The following PFKFB3 variants were observed in gnomAD, a reference collection of about 807,000 sequenced individuals.
The protein encoded by PFKFB3 is 6-phosphofructo-2-kinase/fructose-2,6-biphosphatase 3.
Under a neutral mutation model 68.0 loss-of-function variants are expected in PFKFB3, and 33 were observed. The observed-to-expected ratio is 0.49, with a 90% CI of 0.37 to 0.65. The LOEUF is 0.65. Ranked by LOEUF, PFKFB3 falls within the 30% of genes least tolerant of loss-of-function variation. The pLI, the probability that PFKFB3 is intolerant of heterozygous loss-of-function variation, is 0.00. For missense variants in PFKFB3, 586 were observed against 712.2 expected (o/e 0.82, Z 2.02); for synonymous variants, 315 against 288.2 (o/e 1.09, Z -0.94).
the PFKFB3 span, among the ~76,000 whole-genome samples, chr10:6,262,181 G>A: frequency 2.1e-4 from 32 of 152,062 alleles, no homozygotes; most frequent in South Asian, 6.2e-4. Flanking sequence ...TTGGCCGGGC[G>A]TGGTGGCTCA....
chr10:6,188,828 AT>A (rs35338599), intron 1 of PFKFB3, among the ~76,000 whole-genome samples: 1,197 of 113,006 alleles, frequency 0.011, 7 homozygotes, highest in African/African-American at 0.026. Context: ...CTTCCTTTTA[AT>A]TTTTTTTTTT....
At chr10:6,276,273 G>A in the PFKFB3 span, among the ~76,000 whole-genome samples, 1 of 152,106 alleles carries the variant, frequency 6.6e-6, no homozygotes, top group Admixed American at 6.6e-5. Flanking sequence ...GGCCTAGAAT[G>A]GGAGGGGTTG....
intron 1 of PFKFB3, among the ~76,000 whole-genome samples, chr10:6,170,992 C>T (rs1196284742): frequency 6.6e-6 from 1 of 152,120 alleles, no homozygotes; most frequent in Non-Finnish European, 1.5e-5. Flanking sequence ...TTACTCCGTG[C>T]AGGAAGGAAA....
intron 1 of PFKFB3, among the ~76,000 whole-genome samples, chr10:6,161,569 T>A (rs955813005): frequency 1.2e-5 from 1 of 84,582 alleles, no homozygotes; most frequent in Non-Finnish European, 3.7e-5. Context: ...CACATATGTA[T>A]ATATATACAC....
intron 1 of PFKFB3, among the ~76,000 whole-genome samples, chr10:6,211,828 A>C (rs1417736452): frequency 6.6e-6 from 1 of 152,222 alleles, no homozygotes; most frequent in Admixed American, 6.5e-5. Context: ...CCTGCTGAGA[A>C]GGCCACTAAT....
In PFKFB3 at chr10:6,215,101, C is replaced by T. The variant is rs1173235651; in HGVS notation, c.203-120C>T. The T allele has an allele frequency of 3.9e-6, 3 of 765,054 alleles. No individual in the cohort carries two copies. In the South Asian group the frequency reaches 4.7e-5, roughly 12 times the overall value. 47.4% of individuals were successfully genotyped at this position (765,054 alleles called of 1,614,324 possible). On this transcript the variant is annotated intron_variant, in intron 2 of 14. Transcript: ENST00000379775. This position sits in a 1 kb window ranked among gnomAD's most constrained non-coding sequence, Gnocchi z 4.3. ...GGCGCCGGCATTGCTTCCACACCAT[C>T]TCATTCAAGTCGGTGTGGTTGGCCT... is the stretch of plus-strand genomic sequence containing the variant.
chr10:6,283,289 A>G, the PFKFB3 span, among the ~76,000 whole-genome samples: 1 of 152,306 alleles, frequency 6.6e-6, no homozygotes, highest in Middle Eastern at 3.4e-3. Flanking sequence ...TTTAATCAGG[A>G]CAATTCTGTG....
At chr10:6,222,392 GT>G (rs1171770255) in intron 10 of PFKFB3, among the ~76,000 whole-genome samples, 1 of 152,230 alleles carries the variant, frequency 6.6e-6, no homozygotes, top group Non-Finnish European at 1.5e-5. Flanking sequence ...TCACGTTAAA[GT>G]TATGATTTAG....
At chr10:6,226,552 G>A (rs1845373595) in intron 14 of PFKFB3, 187 bp downstream of exon 14, 2 of 580,254 alleles carry the variant, frequency 3.4e-6, no homozygotes, top group Admixed American at 3.5e-5. Context: ...CGTGTTGAGG[G>A]AGAACATAGG....
At chr10:6,167,179 A>G (rs1354599810) in intron 1 of PFKFB3, among the ~76,000 whole-genome samples, 3 of 152,304 alleles carry the variant, frequency 2.0e-5, no homozygotes, top group Admixed American at 2.0e-4. Flanking sequence ...GTGCCTAGAC[A>G]AGGCCAGCAT....
intron 1 of PFKFB3, among the ~76,000 whole-genome samples, chr10:6,179,559 T>C (rs1026730853): frequency 1.3e-5 from 2 of 152,120 alleles, no homozygotes; most frequent in Non-Finnish European, 2.9e-5. Flanking sequence ...GTTTCTCTCC[T>C]ATGGTGGGAT....
At chr10:6,206,762 C>T (rs1843756963) in intron 1 of PFKFB3, among the ~76,000 whole-genome samples, 1 of 137,378 alleles carries the variant, frequency 7.3e-6, no homozygotes, top group African/African-American at 2.9e-5. Context: ...ACTTTCCAGA[C>T]TGGGCAGCCA....
At chr10:6,171,340 C>T (rs1042673536) in intron 1 of PFKFB3, among the ~76,000 whole-genome samples, 3 of 152,152 alleles carry the variant, frequency 2.0e-5, no homozygotes, top group Non-Finnish European at 4.4e-5. Context: ...CAGACGTAAG[C>T]CACCGGGCCC....
chr10:6,146,301 G>A (rs570277024), intron 1 of PFKFB3: 603 of 1,505,498 alleles, frequency 4.0e-4, no homozygotes, highest in Non-Finnish European at 5.1e-4. Flanking sequence ...TTCAAACAGA[G>A]GGTGCCTAGG....
the PFKFB3 span, chr10:6,293,874 C>T: frequency 4.9e-6 from 2 of 411,704 alleles, no homozygotes; most frequent in Non-Finnish European, 9.8e-6. Context: ...GAGAGTTATC[C>T]TTGACTTGCT....
At chr10:6,232,537 C>T (rs1023622506) in intron 14 of PFKFB3, among the ~76,000 whole-genome samples, 2 of 152,198 alleles carry the variant, frequency 1.3e-5, no homozygotes, top group African/African-American at 4.8e-5. Flanking sequence ...CATCCTCTGC[C>T]TGGCTGTGGT....
chr10:6,293,227 T>C, the PFKFB3 span: 1 of 466,426 alleles, frequency 2.1e-6, no homozygotes, highest in South Asian at 1.7e-5. Flanking sequence ...ACAGTATGTC[T>C]GCAATTTGAG....
intron 1 of PFKFB3, among the ~76,000 whole-genome samples, chr10:6,193,254 A>G (rs1255646395): frequency 6.6e-6 from 1 of 152,150 alleles, no homozygotes; most frequent in African/African-American, 2.4e-5. Flanking sequence ...GGGAGGCTGA[A>G]GTGGGAGGAC....
intron 1 of PFKFB3, among the ~76,000 whole-genome samples, chr10:6,190,284 G>T (rs1842987203): frequency 1.3e-5 from 2 of 152,226 alleles, no homozygotes; most frequent in Non-Finnish European, 2.9e-5. Context: ...CCCACTCGGT[G>T]ATTCTTGTGT....
Sources: gnomAD v4.1 joint callset for allele counts (sites outside exome capture counted in the v4.1 genomes callset) on GRCh38, gnomAD v4.1.1 for gene constraint, Gnocchi (gnomAD v3.1) non-coding constraint, MANE v1.5 for transcripts, NCBI Gene and HGNC (gene_info 2026-07-23, HGNC 2026-07-21) for gene names.